TMEM114: variants seen among roughly 807,000 people sequenced by gnomAD.
The protein encoded by TMEM114 is transmembrane protein 114, also known as claudin-26.
TMEM114 carries 6 observed loss-of-function variants against 6.2 expected under a neutral mutation model. That is an observed-to-expected ratio of 0.97 (90% confidence interval 0.53 to 1.91). The LOEUF is 1.91. TMEM114 is among the 40% of genes most tolerant of loss of function. The pLI is 0.01. For synonymous variants in TMEM114, 104 were observed against 73.0 expected (o/e 1.42, Z -2.16); for missense variants, 218 against 158.3 (o/e 1.38, Z -2.02).
chr16:8,557,935 C>G (rs557332567), intron 2 of TMEM114, among the ~76,000 whole-genome samples: 1 of 152,148 alleles, frequency 6.6e-6, no homozygotes, highest in Non-Finnish European at 1.5e-5. Context: ...AATGTATTCT[C>G]TCACAATTCT....
chr16:8,529,159 A>C, the TMEM114 span, among the ~76,000 whole-genome samples: 3 of 152,194 alleles, frequency 2.0e-5, no homozygotes, highest in East Asian at 3.9e-4. Context: ...ATGACCAAAA[A>C]TCCTCCATCA....
intron 2 of TMEM114, among the ~76,000 whole-genome samples, chr16:8,539,842 G>A (rs1900467438): frequency 1.3e-5 from 2 of 151,858 alleles, no homozygotes. Flanking sequence ...TTTTTACACA[G>A]AGTCTCGCTC....
intron 2 of TMEM114, among the ~76,000 whole-genome samples, chr16:8,583,180 C>T (rs1213130229): frequency 6.6e-6 from 1 of 152,162 alleles, no homozygotes; most frequent in African/African-American, 2.4e-5. Context: ...CAGCAACTGT[C>T]TCATCATGTT....
chr16:8,560,001 G>A (rs1901146258), intron 2 of TMEM114, among the ~76,000 whole-genome samples: 1 of 151,940 alleles, frequency 6.6e-6, no homozygotes, highest in Non-Finnish European at 1.5e-5. Flanking sequence ...ATCTTGTTGT[G>A]GTTGTTGTTG....
At chr16:8,576,330 C>G (rs1258526622) in intron 2 of TMEM114, among the ~76,000 whole-genome samples, 1 of 152,182 alleles carries the variant, frequency 6.6e-6, no homozygotes, top group East Asian at 1.9e-4. Flanking sequence ...CAAAGACACC[C>G]CATCAAAGCC....
intron 2 of TMEM114, among the ~76,000 whole-genome samples, chr16:8,548,970 C>A (rs958148513): frequency 6.6e-6 from 1 of 151,292 alleles, no homozygotes. Context: ...ATCACAAGGT[C>A]AGGAGATCAA....
Position 8,562,406 on chromosome 16 carries a change from G to C in TMEM114, n.213-24580C>G, listed in dbSNP as rs549130445. On this transcript the variant is annotated intron_variant and non_coding_transcript_variant, in intron 2 of 2. Transcript: ENST00000623677. Reference sequence around the variant, plus strand: ...TGAGGGAATGAGTGAGTGAGTGAATGAGTAAATGAGTGAGTGAATAAGTGA... The same window carrying C: ...TGAGGGAATGAGTGAGTGAGTGAATCAGTAAATGAGTGAGTGAATAAGTGA... Among the ~76,000 whole-genome samples the C allele has an allele frequency of 4.0e-5, 6 of 151,494 alleles. No individual in the cohort carries two copies. The East Asian group carries it at 1.2e-3, about 30-fold the overall frequency.
intron 2 of TMEM114, among the ~76,000 whole-genome samples, chr16:8,563,248 A>G (rs1901347436): frequency 6.6e-6 from 1 of 151,870 alleles, no homozygotes; most frequent in Admixed American, 6.5e-5. Context: ...TGAATGAGTC[A>G]GTGAGTGAAT....
intron 2 of TMEM114, among the ~76,000 whole-genome samples, chr16:8,553,281 G>A (rs980788495): frequency 8.5e-5 from 13 of 152,214 alleles, no homozygotes; most frequent in Non-Finnish European, 1.5e-5. Flanking sequence ...TTGAAATTGA[G>A]GTTCTGGAAA....
chr16:8,555,244 G>A (rs1425626562), intron 2 of TMEM114, among the ~76,000 whole-genome samples: 1 of 152,230 alleles, frequency 6.6e-6, no homozygotes, highest in Non-Finnish European at 1.5e-5. Flanking sequence ...GCTTAGCCCA[G>A]GAAGGAATTC....
At chr16:8,529,487 G>A in the TMEM114 span, among the ~76,000 whole-genome samples, 3 of 152,142 alleles carry the variant, frequency 2.0e-5, no homozygotes, top group Non-Finnish European at 2.9e-5. Context: ...GACAGGGAGT[G>A]TTTCTACGAC....
At chr16:8,570,403 C>T (rs534362597) in intron 3 of TMEM114, among the ~76,000 whole-genome samples, 3 of 152,272 alleles carry the variant, frequency 2.0e-5, no homozygotes, top group African/African-American at 7.2e-5. Flanking sequence ...GCGATCTCAG[C>T]TTGCTGCAAC....
Position 8,569,876 on chromosome 16 carries a change from G to A in TMEM114, c.569C>T (p.Ala190Val), listed in dbSNP as rs753250905. The A allele has an allele frequency of 2.6e-6, 4 of 1,551,064 alleles. No homozygotes were observed. The Admixed American group carries it at 7.8e-5, about 30-fold the overall frequency. ...GGCGATGAAGCTGATCCAGCCCAGGGCCAGGGACCAGCCGAAGCTGATGTC... is the reference window on the plus strand; with the variant it reads ...GGCGATGAAGCTGATCCAGCCCAGGACCAGGGACCAGCCGAAGCTGATGTC... ...QVDISFGWSL[A>V]LGWISFIAEL... The change falls in exon 4 of 4, where the codon GCC (alanine) becomes GTC (valine). Residue 190 changes from alanine to valine, a missense_variant. By Grantham distance (64) the Ala-to-Val change is moderately conservative. Transcript: ENST00000620492.
chr16:8,564,327 TAGAGAATGAGTCAGTG>T (rs1263425548), intron 2 of TMEM114, among the ~76,000 whole-genome samples: 5,423 of 132,464 alleles, frequency 0.041, 239 homozygotes, highest in South Asian at 0.11. Flanking sequence ...ATGAGTGAGT[TAGAGAATGAGTCAGTG>T]AGAGAATGAG....
chr16:8,549,181 CAA>C (rs1216258524), intron 2 of TMEM114, among the ~76,000 whole-genome samples: 4 of 49,320 alleles, frequency 8.1e-5, no homozygotes, highest in Admixed American at 3.0e-4. Context: ...GACTCCATCT[CAA>C]AAAAAAAAAA....
chr16:8,536,769 C>G (rs1267753621), downstream of TMEM114, among the ~76,000 whole-genome samples: 1 of 152,096 alleles, frequency 6.6e-6, no homozygotes, highest in Non-Finnish European at 1.5e-5. Context: ...AGTTGAGGCA[C>G]TGGGAATCAC....
chr16:8,566,033 C>G (rs565606797), downstream of TMEM114, among the ~76,000 whole-genome samples: 20 of 152,130 alleles, frequency 1.3e-4, no homozygotes, highest in Non-Finnish European at 2.5e-4. Flanking sequence ...CAGAATAGAA[C>G]AGAACCAATC....
At chr16:8,584,922 C>CAAAAAA (rs905674847) in intron 2 of TMEM114, among the ~76,000 whole-genome samples, 18 of 48,588 alleles carry the variant, frequency 3.7e-4, no homozygotes, top group South Asian at 1.6e-3. Context: ...AACGCCGTCT[C>CAAAAAA]AAAAAAAAAA....
At chr16:8,579,886 C>T (rs992681212) in intron 2 of TMEM114, among the ~76,000 whole-genome samples, 3 of 152,130 alleles carry the variant, frequency 2.0e-5, no homozygotes, top group African/African-American at 7.2e-5. Flanking sequence ...CAGACATGGA[C>T]ACGTACTCCA....
Sources: allele counts gnomAD v4.1 joint callset (sites outside exome capture counted in the v4.1 genomes callset), GRCh38; gene constraint gnomAD v4.1.1; transcripts MANE v1.5; gene names NCBI Gene and HGNC (gene_info 2026-07-23, HGNC 2026-07-21).